NEGR1: variants seen among roughly 807,000 people sequenced by gnomAD.
The protein encoded by NEGR1 is neuronal growth regulator 1, also known as IgLON family member 4.
Under a neutral mutation model 40.9 loss-of-function variants are expected in NEGR1, and 10 were observed. The observed-to-expected ratio is 0.24, with a 90% CI of 0.15 to 0.42. NEGR1 has a LOEUF of 0.42. NEGR1 is among the 10% of genes least tolerant of loss of function. NEGR1 has a pLI of 1.00. For missense variants in NEGR1, 352 were observed against 438.9 expected, an observed-to-expected ratio of 0.80 and a Z score of 1.77; for synonymous variants, 185 against 166.8, an observed-to-expected ratio of 1.11 and a Z score of -0.84.
intron 1 of NEGR1, among the ~76,000 whole-genome samples, chr1:72,043,913 C>T (rs1043378120): frequency 2.6e-5 from 4 of 151,812 alleles, no homozygotes; most frequent in South Asian, 4.2e-4. Flanking sequence ...AACAGAAAAA[C>T]ATGTCAGAAT....
Position 71,992,512 on chromosome 1 carries a change from T to C in NEGR1, c.177-57201A>G, listed in dbSNP as rs1309319201. 3.9e-5 allele frequency among the ~76,000 whole-genome samples: 6 copies of C among 152,342 alleles called. No homozygotes were observed. The South Asian group carries it at 8.3e-4, about 21-fold the overall frequency. Reference sequence around the variant, plus strand: ...TAGTAAAAAGATAAGGTGAAATAAATATTAGTCATGTAATTTATCTATCTC... The same window carrying C: ...TAGTAAAAAGATAAGGTGAAATAAACATTAGTCATGTAATTTATCTATCTC... On this transcript the variant is annotated intron_variant, in intron 1 of 6. Coordinates refer to ENST00000357731, the MANE Select transcript of NEGR1 (RefSeq NM_173808.3).
intron 1 of NEGR1, among the ~76,000 whole-genome samples, chr1:72,001,852 T>G (rs1470900998): frequency 6.6e-6 from 1 of 151,980 alleles, no homozygotes; most frequent in Non-Finnish European, 1.5e-5. Context: ...ATACTCTTGA[T>G]TCACTTAAGA....
At chr1:71,498,674 T>C (rs954606198) in intron 6 of NEGR1, among the ~76,000 whole-genome samples, 6 of 152,142 alleles carry the variant, frequency 3.9e-5, no homozygotes, top group Non-Finnish European at 8.8e-5. Context: ...CCAGATCCCC[T>C]TGCTTCCATT....
chr1:72,239,858 C>T (rs1654677197), intron 1 of NEGR1, among the ~76,000 whole-genome samples: 1 of 151,674 alleles, frequency 6.6e-6, no homozygotes, highest in African/African-American at 2.4e-5. Flanking sequence ...GAAAATTGAA[C>T]TCCGATGATT....
intron 1 of NEGR1, among the ~76,000 whole-genome samples, chr1:71,945,423 A>G (rs1646009282): frequency 6.6e-6 from 1 of 152,152 alleles, no homozygotes; most frequent in Admixed American, 6.6e-5. Flanking sequence ...CCCTATGTAT[A>G]AAATATAATT....
chr1:71,799,515 G>A (rs906721654), intron 2 of NEGR1, among the ~76,000 whole-genome samples: 1 of 152,170 alleles, frequency 6.6e-6, no homozygotes, highest in Admixed American at 6.5e-5. Flanking sequence ...AGGTGAGCAT[G>A]TGTCTTTTTG....
intron 1 of NEGR1, among the ~76,000 whole-genome samples, chr1:72,177,029 G>T (rs968697706): frequency 1.3e-5 from 2 of 151,976 alleles, no homozygotes; most frequent in African/African-American, 4.8e-5. Context: ...ACATAAAATG[G>T]AATGACTAAA....
intron 2 of NEGR1, among the ~76,000 whole-genome samples, chr1:71,908,672 T>A (rs1379811322): frequency 6.6e-6 from 1 of 152,188 alleles, no homozygotes; most frequent in Non-Finnish European, 1.5e-5. Context: ...TTCTGGTGGA[T>A]CTTGTCCTTA....
chr1:71,775,292 A>C (rs1169381666), intron 3 of NEGR1, among the ~76,000 whole-genome samples: 1 of 152,102 alleles, frequency 6.6e-6, no homozygotes, highest in Non-Finnish European at 1.5e-5. Context: ...ACCTTGACTA[A>C]GAATCAACAG....
intron 5 of NEGR1, among the ~76,000 whole-genome samples, chr1:71,609,298 A>G (rs963814860): frequency 2.2e-4 from 34 of 151,498 alleles, no homozygotes; most frequent in African/African-American, 8.2e-4. Flanking sequence ...GGTGGATCAC[A>G]AGGTCAGGAG....
At chr1:72,076,649 T>A (rs567432419) in intron 1 of NEGR1, among the ~76,000 whole-genome samples, 3 of 152,054 alleles carry the variant, frequency 2.0e-5, no homozygotes, top group Non-Finnish European at 4.4e-5. Context: ...AGTCTCCATA[T>A]ATATGTGTCC....
At chr1:72,252,531 T>A (rs1384030303) in intron 1 of NEGR1, among the ~76,000 whole-genome samples, 1 of 152,244 alleles carries the variant, frequency 6.6e-6, no homozygotes, top group Non-Finnish European at 1.5e-5. Flanking sequence ...TTCTAGTACA[T>A]ATCTGTAACA....
At chr1:71,980,990 T>C (rs1646349664) in intron 1 of NEGR1, among the ~76,000 whole-genome samples, 1 of 152,170 alleles carries the variant, frequency 6.6e-6, no homozygotes, top group Admixed American at 6.6e-5. Flanking sequence ...TATGTTTCTT[T>C]CTTCTGTGCA....
At chr1:71,779,197 A>G (rs1656615271) in intron 2 of NEGR1, among the ~76,000 whole-genome samples, 1 of 152,226 alleles carries the variant, frequency 6.6e-6, no homozygotes, top group Non-Finnish European at 1.5e-5. Context: ...TTGTGGAGAC[A>G]AAAACAGGTG....
chr1:72,014,730 T>G (rs1646693622), intron 1 of NEGR1, among the ~76,000 whole-genome samples: 1 of 152,106 alleles, frequency 6.6e-6, no homozygotes, highest in South Asian at 2.1e-4. Context: ...ATATTATCAT[T>G]AAACCAATGT....
At chr1:71,776,361 A>T in intron 2 of NEGR1, 64 bp from the exon 3 acceptor site, 1 of 960,952 alleles carries the variant, frequency 1.0e-6, no homozygotes. Context: ...AGTACGTATG[A>T]TTAATTCCAT....
intron 1 of NEGR1, among the ~76,000 whole-genome samples, chr1:72,272,443 T>G: frequency 6.6e-6 from 1 of 152,076 alleles, no homozygotes; most frequent in Non-Finnish European, 1.5e-5. Flanking sequence ...GTAAGAAATA[T>G]TCTATTTATT....
At chr1:72,043,505 T>C (rs1183598765) in intron 1 of NEGR1, among the ~76,000 whole-genome samples, 1 of 151,890 alleles carries the variant, frequency 6.6e-6, no homozygotes, top group African/African-American at 2.4e-5. Flanking sequence ...CAAATAATTT[T>C]AAAATGACTT....
At chr1:71,596,794 C>T (rs1048149263) in intron 5 of NEGR1, among the ~76,000 whole-genome samples, 5 of 152,106 alleles carry the variant, frequency 3.3e-5, no homozygotes, top group African/African-American at 1.2e-4. Flanking sequence ...TGAAAACAGC[C>T]TCAGAAAGAC....
Sources: gnomAD v4.1 joint callset for allele counts (sites outside exome capture counted in the v4.1 genomes callset) on GRCh38, gnomAD v4.1.1 for gene constraint, MANE v1.5 for transcripts, NCBI Gene and HGNC (gene_info 2026-07-23, HGNC 2026-07-21) for gene names.